Variants in RTN1 observed in about 807,000 individuals in gnomAD.
RTN1 encodes reticulon 1, also known as reticulon-1.
A neutral mutation model predicts 65.5 loss-of-function variants in RTN1; 25 were observed. The ratio of observed to expected loss-of-function variants is 0.38; its 90% CI spans 0.28 to 0.53. The LOEUF (loss-of-function observed/expected upper bound fraction) is 0.53. Among genes scored for constraint, RTN1 ranks in the 20% least tolerant of loss-of-function variants. The pLI, the probability that RTN1 is intolerant of heterozygous loss-of-function variation, is 0.79. For synonymous variants in RTN1, 471 were observed against 447.6 expected (o/e 1.05, Z -0.66); for missense variants, 983 against 1,025.4 (o/e 0.96, Z 0.57).
intron 2 of RTN1, among the ~76,000 whole-genome samples, chr14:59,733,859 A>C (rs1213838955): frequency 6.6e-6 from 1 of 152,194 alleles, no homozygotes; most frequent in African/African-American, 2.4e-5. Flanking sequence ...TCTCCAACAC[A>C]GCACAGCTGC....
At chr14:59,751,783 G>A (rs1007904851) in intron 1 of RTN1, among the ~76,000 whole-genome samples, 1 of 152,170 alleles carries the variant, frequency 6.6e-6, no homozygotes, top group East Asian at 1.9e-4. Context: ...TACCACCGGG[G>A]TTATCTCACT....
chr14:59,761,940 G>A (rs985918461), intron 1 of RTN1, among the ~76,000 whole-genome samples: 12 of 152,202 alleles, frequency 7.9e-5, no homozygotes, highest in Non-Finnish European at 8.8e-5. Context: ...CACAGAGCAA[G>A]CAAATGAGGA....
intron 3 of RTN1, among the ~76,000 whole-genome samples, chr14:59,723,271 G>A (rs1884685151): frequency 6.6e-6 from 1 of 152,044 alleles, no homozygotes; most frequent in South Asian, 2.1e-4. Context: ...AAGACAGTCA[G>A]TTTCAAGTAG....
intron 1 of RTN1, among the ~76,000 whole-genome samples, chr14:59,863,328 C>G (rs1259791990): frequency 6.6e-6 from 1 of 152,116 alleles, no homozygotes; most frequent in Non-Finnish European, 1.5e-5. Flanking sequence ...TTATTTTCTC[C>G]CCTCTCATTT....
chr14:59,775,790 T>C (rs1886039681), intron 1 of RTN1, among the ~76,000 whole-genome samples: 1 of 152,150 alleles, frequency 6.6e-6, no homozygotes, highest in Admixed American at 6.6e-5. Flanking sequence ...GCAATAACAA[T>C]TGTGGACTGG....
intron 1 of RTN1, among the ~76,000 whole-genome samples, chr14:59,791,852 AT>A (rs985335607): frequency 4.3e-4 from 65 of 151,526 alleles, no homozygotes; most frequent in African/African-American, 1.5e-3. Flanking sequence ...GTTAGCCTGG[AT>A]TTTTTTTTGG....
rs552984243 is a variant in RTN1, at chr14:59,637,889, T to A, written c.1766-30397A>T. Among the ~76,000 whole-genome samples, 301 of 151,550 alleles carry A rather than the reference T, an allele frequency of 2.0e-3. 1 individual carries two copies. Among genetic ancestry groups the A allele is most frequent in the Non-Finnish European group, 3.1e-3 (213 of 67,898 alleles). ...TTTTCCCGAGATGGAGTTTCACTCGTCTCCCAGGCTGGAGTGCAGTGGCGC... is the reference window on the plus strand; with the variant it reads ...TTTTCCCGAGATGGAGTTTCACTCGACTCCCAGGCTGGAGTGCAGTGGCGC... On this transcript the variant is annotated intron_variant, in intron 3 of 8. Transcript: ENST00000267484.
intron 3 of RTN1, among the ~76,000 whole-genome samples, chr14:59,645,662 C>A (rs1882878571): frequency 6.6e-6 from 1 of 152,114 alleles, no homozygotes; most frequent in African/African-American, 2.4e-5. Context: ...CCATGGGGAC[C>A]CGGCACTGGT....
intron 1 of RTN1, among the ~76,000 whole-genome samples, chr14:59,828,079 T>C (rs1309427767): frequency 1.3e-5 from 2 of 152,354 alleles, no homozygotes; most frequent in East Asian, 1.9e-4. Context: ...TCACCTTATA[T>C]TGGAATGTGG....
intron 3 of RTN1, among the ~76,000 whole-genome samples, chr14:59,721,385 A>G (rs1391269262): frequency 6.6e-6 from 1 of 152,244 alleles, no homozygotes; most frequent in Non-Finnish European, 1.5e-5. Flanking sequence ...AGCATCTTTA[A>G]TTTAAAAGCA....
chr14:59,624,436 T>C (rs1882336710), intron 3 of RTN1, among the ~76,000 whole-genome samples: 1 of 152,088 alleles, frequency 6.6e-6, no homozygotes, highest in African/African-American at 2.4e-5. Flanking sequence ...AAGGCAGCCA[T>C]ATTTCTTTGA....
intron 3 of RTN1, among the ~76,000 whole-genome samples, chr14:59,611,441 C>T (rs1267391233): frequency 6.6e-6 from 1 of 152,200 alleles, no homozygotes; most frequent in Non-Finnish European, 1.5e-5. Flanking sequence ...CACAGGGTGA[C>T]TGTAGCCCCA....
intron 1 of RTN1, among the ~76,000 whole-genome samples, chr14:59,866,340 T>C (rs1441044891): frequency 6.6e-6 from 1 of 152,028 alleles, no homozygotes; most frequent in African/African-American, 2.4e-5. Flanking sequence ...CTCCCAGGGA[T>C]AGACAATAAA....
At chr14:59,660,074 A>G (rs1450512716) in intron 3 of RTN1, among the ~76,000 whole-genome samples, 1 of 152,152 alleles carries the variant, frequency 6.6e-6, no homozygotes, top group East Asian at 1.9e-4. Context: ...AAGCAAAACA[A>G]GCAAGGGTTG....
chr14:59,808,832 C>T (rs1886680888), intron 1 of RTN1, among the ~76,000 whole-genome samples: 1 of 152,082 alleles, frequency 6.6e-6, no homozygotes, highest in Non-Finnish European at 1.5e-5. Flanking sequence ...CTCTCTTGCT[C>T]CTGCTCCCAC....
In RTN1 at chr14:59,825,931, G is replaced by A. The variant is rs1220528290; in HGVS notation, c.241+44459C>T. ...TAACAGTTTGTGGTACCCATTCCCA[G>A]TACCCTAGTTCAGACATTTCATTCA... is the stretch of plus-strand genomic sequence containing the variant. On this transcript the variant is annotated intron_variant, in intron 1 of 8. Coordinates refer to ENST00000267484, the MANE Select transcript of RTN1 (RefSeq NM_021136.3). This position sits in a 1 kb window ranked among gnomAD's most constrained non-coding sequence, Gnocchi z 4.2. 6.6e-6 allele frequency among the ~76,000 whole-genome samples: 1 copy of A among 152,172 alleles called. No individual in the cohort carries two copies. Among genetic ancestry groups the A allele is most frequent in the Non-Finnish European group, 1.5e-5 (1 of 68,026 alleles).
intron 3 of RTN1, among the ~76,000 whole-genome samples, chr14:59,692,675 T>C (rs1321016336): frequency 3.9e-5 from 6 of 152,114 alleles, no homozygotes; most frequent in Non-Finnish European, 7.4e-5. Flanking sequence ...TGTAAGGCTA[T>C]AGTAACCAAA....
intron 3 of RTN1, among the ~76,000 whole-genome samples, chr14:59,672,943 A>T (rs1883543079): frequency 6.6e-6 from 1 of 152,166 alleles, no homozygotes; most frequent in Non-Finnish European, 1.5e-5. Flanking sequence ...CCCGGCCAAG[A>T]TATTTCTTTT....
intron 1 of RTN1, among the ~76,000 whole-genome samples, chr14:59,748,636 T>C (rs1037996538): frequency 2.0e-5 from 3 of 152,056 alleles, no homozygotes; most frequent in Non-Finnish European, 2.9e-5. Context: ...TATGCATCGA[T>C]TGTCTCCTCT....
Sources: allele counts gnomAD v4.1 joint callset (sites outside exome capture counted in the v4.1 genomes callset), GRCh38; gene constraint gnomAD v4.1.1; non-coding constraint Gnocchi (gnomAD v3.1); transcripts MANE v1.5; gene names NCBI Gene and HGNC (gene_info 2026-07-23, HGNC 2026-07-21).